Variants in RAP2A observed in about 807,000 individuals in gnomAD.
RAP2A encodes ras-related protein Rap-2a.
RAP2A carries 5 observed loss-of-function variants against 15.1 expected under a neutral mutation model. The observed-to-expected ratio is 0.33, with a 90% CI of 0.17 to 0.70. The LOEUF is 0.70. Among genes scored for constraint, RAP2A ranks in the 30% least tolerant of loss-of-function variants. The pLI, the probability that RAP2A is intolerant of heterozygous loss-of-function variation, is 0.68. For missense variants in RAP2A, 111 were observed against 240.3 expected (o/e 0.46, Z 3.56); for synonymous variants, 110 against 99.7 (o/e 1.10, Z -0.62).
Position 97,464,468 on chromosome 13 carries a change from G to A in RAP2A, c.*26G>A. On this transcript the variant is annotated 3_prime_UTR_variant, in exon 2 of 2. Coordinates refer to ENST00000245304, the MANE Select transcript of RAP2A (RefSeq NM_021033.7). ...CATCCAAATATGGCTGTCCTGGATG[G>A]GATTTGCCCAATGTCGTAGGTGATA... 1 of 1,605,056 alleles carries A rather than the reference G, an allele frequency of 6.2e-7. No individual in the cohort carries two copies. Among genetic ancestry groups the A allele is most frequent in the South Asian group, 1.1e-5 (1 of 90,886 alleles).
In RAP2A at chr13:97,434,822, C is replaced by G. The variant is rs562232720; in HGVS notation, c.314+38C>G. On this transcript the variant is annotated intron_variant, in intron 1 of 1. Transcript: ENST00000245304. ...ACACGGGGGCTTGGCGGCTGCACCC[C>G]GGAGTCACCGTCCCGGGGCTGGAAC... is the stretch of plus-strand genomic sequence containing the variant. 3.9e-5 allele frequency: 62 copies of G among 1,604,648 alleles called. No individual in the cohort carries two copies. The South Asian group carries it at 6.6e-4, about 17-fold the overall frequency.
intron 1 of RAP2A, among the ~76,000 whole-genome samples, chr13:97,458,789 G>A (rs796584230): frequency 3.3e-5 from 5 of 151,498 alleles, no homozygotes; most frequent in African/African-American, 1.2e-4. Flanking sequence ...GCAAAATAAA[G>A]TATTTTGATA....
intron 1 of RAP2A, among the ~76,000 whole-genome samples, chr13:97,445,047 A>G (rs2066673945): frequency 6.6e-6 from 1 of 151,972 alleles, no homozygotes; most frequent in Admixed American, 6.6e-5. Flanking sequence ...GCTCCCACAA[A>G]CCTCCTTTAT....
At chr13:97,460,562 C>G (rs2066741961) in intron 1 of RAP2A, among the ~76,000 whole-genome samples, 1 of 152,114 alleles carries the variant, frequency 6.6e-6, no homozygotes, top group Non-Finnish European at 1.5e-5. Flanking sequence ...GATAGCAACA[C>G]CAGCTTCCTC....
intron 1 of RAP2A, among the ~76,000 whole-genome samples, chr13:97,440,236 CT>C (rs747203893): frequency 2.0e-5 from 3 of 151,100 alleles, no homozygotes; most frequent in Admixed American, 1.3e-4. Flanking sequence ...CTGTGGGTCA[CT>C]TTTTTTTTGT....
chr13:97,464,450 A>G lies in RAP2A; in HGVS notation c.*8A>G. The G allele has an allele frequency of 6.2e-7, 1 of 1,611,898 alleles. No homozygotes were observed. The highest frequency in any genetic ancestry group is 8.5e-7 in the Non-Finnish European group (1 of 1,177,962). ...GCATGTAACATACAATAGCATCCAA[A>G]TATGGCTGTCCTGGATGGGATTTGC... On this transcript the variant is annotated 3_prime_UTR_variant, in exon 2 of 2. Coordinates refer to ENST00000245304, the MANE Select transcript of RAP2A (RefSeq NM_021033.7).
chr13:97,452,033 C>A (rs757861982), intron 1 of RAP2A, among the ~76,000 whole-genome samples: 51 of 151,068 alleles, frequency 3.4e-4, no homozygotes, highest in Admixed American at 6.6e-4. Context: ...GACACAAGTT[C>A]TTTATTAGAT....
chr13:97,457,569 G>C (rs932944526), intron 1 of RAP2A, among the ~76,000 whole-genome samples: 1 of 151,908 alleles, frequency 6.6e-6, no homozygotes, highest in African/African-American at 2.4e-5. Context: ...CACAGTTATA[G>C]ATTCTATAAA....
intron 1 of RAP2A, chr13:97,437,551 T>G (rs1208050453): frequency 6.6e-6 from 1 of 152,134 alleles, no homozygotes; most frequent in African/African-American, 2.4e-5. Context: ...ATTCTTACTT[T>G]AATAACTTTG....
At chr13:97,441,654 A>T in intron 1 of RAP2A, 1 of 351,490 alleles carries the variant, frequency 2.8e-6, no homozygotes, top group Non-Finnish European at 5.5e-6. Flanking sequence ...TGCCTAGGGG[A>T]GCATGTATGC....
Position 97,442,931 on chromosome 13 carries a change from CTG to C in RAP2A, c.314+8149_314+8150del, listed in dbSNP as rs2066664109. On this transcript the variant is annotated intron_variant, in intron 1 of 1. Coordinates refer to ENST00000245304, the MANE Select transcript of RAP2A (RefSeq NM_021033.7). ...ATATCTTTTGAGAAAGCATTTATCT[CTG>C]TTGTGCATATTAGAAATATGAGAAT... Among the ~76,000 whole-genome samples, 3 of 152,166 alleles carry C rather than the reference CTG, an allele frequency of 2.0e-5. No homozygotes were observed. In the South Asian group the frequency reaches 6.2e-4, roughly 32 times the overall value.
chr13:97,440,236 C>CT (rs747203893), intron 1 of RAP2A, among the ~76,000 whole-genome samples: 21 of 151,218 alleles, frequency 1.4e-4, no homozygotes, highest in African/African-American at 3.2e-4. Flanking sequence ...CTGTGGGTCA[C>CT]TTTTTTTTTG....
Position 97,468,202 on chromosome 13 carries a change from T to C in RAP2A, c.*3760T>C, listed in dbSNP as rs1376338792. ...ATGTAAGAGACTGTAAAATCAGTTA[T>C]TATAAATATAAACTTATCTCTACAA... On this transcript the variant is annotated 3_prime_UTR_variant, in exon 2 of 2. Coordinates refer to ENST00000245304, the MANE Select transcript of RAP2A (RefSeq NM_021033.7). 4.1e-5 allele frequency: 6 copies of C among 144,786 alleles called. No individual in the cohort carries two copies. The highest frequency in any genetic ancestry group is 1.2e-4 in the African/African-American group (5 of 40,798). 9.0% of individuals were successfully genotyped at this position (144,786 alleles called of 1,614,324 possible).
chr13:97,450,807 A>T (rs533871198), intron 1 of RAP2A, among the ~76,000 whole-genome samples: 26 of 152,280 alleles, frequency 1.7e-4, no homozygotes, highest in African/African-American at 5.5e-4. Context: ...ATTTCTAATT[A>T]AAAAAACAGA....
rs12873919 is a variant in RAP2A at position 97,467,270 on chromosome 13, T to A, written c.*2828T>A. On this transcript the variant is annotated 3_prime_UTR_variant, in exon 2 of 2. Coordinates refer to ENST00000245304, the MANE Select transcript of RAP2A (RefSeq NM_021033.7). ...GATGCCTTTCATTTTGTTCAACTTA[T>A]ACAAAACAAGCCAGCATCTGATCAA... 1 of 152,450 alleles carries A rather than the reference T, an allele frequency of 6.6e-6. No individual in the cohort carries two copies. The highest frequency in any genetic ancestry group is 2.4e-5 in the African/African-American group (1 of 41,404). 9.4% of individuals were successfully genotyped at this position (152,450 alleles called of 1,614,324 possible).
In RAP2A at chr13:97,464,666, C is replaced by T; in HGVS notation, c.*224C>T. The T allele has an allele frequency of 1.8e-6, 1 of 565,330 alleles. No individual in the cohort carries two copies. The highest frequency in any genetic ancestry group is 3.1e-6 in the Non-Finnish European group (1 of 318,024). The allele number at this position is 565,330 out of a possible 1,614,324, so 35.0% of individuals were successfully genotyped here. A position where few individuals can be genotyped will look rare whatever the true frequency, so the allele number is the denominator to read the frequency against. ...GTCCTCAGTCTCCTTTATGCATCTG[C>T]AACTTTAAGGCATAGTCCATCGATC... On this transcript the variant is annotated 3_prime_UTR_variant, in exon 2 of 2. Transcript: ENST00000245304.
chr13:97,463,819 GTTGT>G (rs1307449211), intron 1 of RAP2A, among the ~76,000 whole-genome samples: 1 of 152,156 alleles, frequency 6.6e-6, no homozygotes. Context: ...ATAATTATAA[GTTGT>G]TTGTTTACTC....
At chr13:97,435,682 A>G (rs1406147890) in intron 1 of RAP2A, among the ~76,000 whole-genome samples, 1 of 152,138 alleles carries the variant, frequency 6.6e-6, no homozygotes, top group Non-Finnish European at 1.5e-5. Flanking sequence ...AAATTCACTG[A>G]ATATATTTTT....
At chr13:97,456,024 C>T (rs972826301) in intron 1 of RAP2A, among the ~76,000 whole-genome samples, 6 of 151,444 alleles carry the variant, frequency 4.0e-5, no homozygotes, top group African/African-American at 1.2e-4. Context: ...TTTCCCAGTT[C>T]TCTAGCCAGA....
Sources: allele counts gnomAD v4.1 joint callset (sites outside exome capture counted in the v4.1 genomes callset), GRCh38; gene constraint gnomAD v4.1.1; transcripts MANE v1.5; gene names NCBI Gene and HGNC (gene_info 2026-07-23, HGNC 2026-07-21).